STK39: variants seen among roughly 807,000 people sequenced by gnomAD.
STK39 encodes the protein serine/threonine kinase 39.
STK39 carries 20 observed loss-of-function variants against 77.8 expected under a neutral mutation model. That is an observed-to-expected ratio of 0.26 (90% confidence interval 0.18 to 0.37). The LOEUF (loss-of-function observed/expected upper bound fraction) is 0.37, where lower values mean the gene tolerates loss of function less well. Ranked by LOEUF, STK39 falls within the 10% of genes least tolerant of loss-of-function variation. The pLI, the probability that STK39 is intolerant of heterozygous loss-of-function variation, is 1.00. For synonymous variants in STK39, 246 were observed against 234.1 expected (o/e 1.05, Z -0.47); for missense variants, 479 against 656.5 (o/e 0.73, Z 2.95).
At chr2:168,067,619 C>T (rs928188942) in intron 12 of STK39, among the ~76,000 whole-genome samples, 1 of 152,092 alleles carries the variant, frequency 6.6e-6, no homozygotes, top group Non-Finnish European at 1.5e-5. Flanking sequence ...AGGAAGCCAC[C>T]GTACAAAACA....
rs1323524574 is a variant in STK39, at chr2:168,171,860, C to T, written c.322-4453G>A. On this transcript the variant is annotated intron_variant, in intron 2 of 17. Coordinates refer to ENST00000355999, the MANE Select transcript of STK39 (RefSeq NM_013233.3). ...CATTTCCACGCCCCCCCCACTCCCC[C>T]CTCCCCCCCACACACAAAACATTAT... Among the ~76,000 whole-genome samples, 181 of 101,654 alleles carry T rather than the reference C, an allele frequency of 1.8e-3. 3 individuals carry two copies. Among genetic ancestry groups the T allele is most frequent in the African/African-American group, 8.6e-3 (170 of 19,672 alleles). The allele number at this position is 101,654 out of a possible 152,430, so 66.7% of individuals were successfully genotyped here.
At chr2:168,107,463 T>C (rs1342982917) in intron 10 of STK39, among the ~76,000 whole-genome samples, 1 of 152,210 alleles carries the variant, frequency 6.6e-6, no homozygotes, top group South Asian at 2.1e-4. Context: ...TTATATTTAG[T>C]GCATGACAAG....
At chr2:168,212,494 A>G (rs1689915854) in intron 1 of STK39, among the ~76,000 whole-genome samples, 2 of 152,192 alleles carry the variant, frequency 1.3e-5, no homozygotes, top group African/African-American at 4.8e-5. Flanking sequence ...TCTCTGAGCC[A>G]TGTGAGATGT....
At chr2:168,153,805 G>A (rs1688354813) in intron 5 of STK39, among the ~76,000 whole-genome samples, 1 of 152,164 alleles carries the variant, frequency 6.6e-6, no homozygotes, top group Non-Finnish European at 1.5e-5. Flanking sequence ...TGAAGAGGAA[G>A]ATGTAAGAGT....
chr2:168,154,109 G>A (rs970900060), intron 5 of STK39, among the ~76,000 whole-genome samples: 2 of 152,192 alleles, frequency 1.3e-5, no homozygotes, highest in African/African-American at 4.8e-5. Context: ...GTCAACCATA[G>A]GATTTACTAA....
chr2:168,222,791 A>G (rs1013592203), intron 1 of STK39, among the ~76,000 whole-genome samples: 3 of 152,176 alleles, frequency 2.0e-5, no homozygotes, highest in African/African-American at 7.2e-5. Context: ...GGAGGGGTAC[A>G]CTGATGTGGA....
intron 1 of STK39, among the ~76,000 whole-genome samples, chr2:168,224,227 C>T (rs1411622055): frequency 1.3e-5 from 2 of 151,880 alleles, no homozygotes; most frequent in African/African-American, 2.4e-5. Context: ...AAAAAAATCG[C>T]TTTCTTAGAG....
chr2:168,003,163 T>A (rs1574382977), intron 16 of STK39, among the ~76,000 whole-genome samples: 1 of 151,938 alleles, frequency 6.6e-6, no homozygotes, highest in Non-Finnish European at 1.5e-5. Flanking sequence ...TTTTTAGTAG[T>A]GATGGGGTTT....
chr2:168,151,896 A>C (rs1336377227), intron 5 of STK39, among the ~76,000 whole-genome samples: 5 of 152,236 alleles, frequency 3.3e-5, no homozygotes, highest in African/African-American at 1.2e-4. Context: ...TTTGGCTCAA[A>C]GTTCAGTTGA....
intron 16 of STK39, among the ~76,000 whole-genome samples, chr2:168,008,028 TTAG>T (rs1323237628): frequency 3.3e-5 from 5 of 152,152 alleles, no homozygotes; most frequent in Non-Finnish European, 5.9e-5. Flanking sequence ...AACCCCATAC[TTAG>T]TAGTCACTCC....
chr2:168,033,022 G>C (rs1684866078), intron 14 of STK39, among the ~76,000 whole-genome samples: 1 of 152,210 alleles, frequency 6.6e-6, no homozygotes, highest in Non-Finnish European at 1.5e-5. Flanking sequence ...GGTCAGAGGA[G>C]CTAAGATGTT....
At chr2:168,083,321 A>T (rs965435305) in intron 10 of STK39, among the ~76,000 whole-genome samples, 1 of 151,476 alleles carries the variant, frequency 6.6e-6, no homozygotes, top group Non-Finnish European at 1.5e-5. Flanking sequence ...GTTACACTGG[A>T]CATATAACAT....
At chr2:168,189,766 A>G (rs1689294251) in intron 1 of STK39, among the ~76,000 whole-genome samples, 2 of 152,230 alleles carry the variant, frequency 1.3e-5, no homozygotes, top group African/African-American at 4.8e-5. Flanking sequence ...AAAAACATTT[A>G]ACATTAGTCT....
At chr2:168,173,050 A>T (rs985684378) in intron 2 of STK39, among the ~76,000 whole-genome samples, 1 of 152,186 alleles carries the variant, frequency 6.6e-6, no homozygotes, top group Non-Finnish European at 1.5e-5. Context: ...GTGCAGCCAC[A>T]GCTTAGAACC....
intron 1 of STK39, among the ~76,000 whole-genome samples, chr2:168,183,563 C>T (rs912056579): frequency 6.6e-6 from 1 of 152,210 alleles, no homozygotes; most frequent in African/African-American, 2.4e-5. Flanking sequence ...TTCCCTTCCT[C>T]ACTTGTTTTG....
chr2:168,051,835 A>T (rs776122926), intron 14 of STK39, among the ~76,000 whole-genome samples: 28 of 151,746 alleles, frequency 1.8e-4, no homozygotes, highest in Admixed American at 3.9e-4. Context: ...GGCACAATTC[A>T]CCCCACTTCT....
intron 17 of STK39, among the ~76,000 whole-genome samples, chr2:167,956,549 C>T (rs1413312922): frequency 6.3e-5 from 9 of 142,264 alleles, no homozygotes; most frequent in African/African-American, 1.9e-4. Flanking sequence ...GGCGACAGAG[C>T]GAGACTCCAC....
intron 16 of STK39, among the ~76,000 whole-genome samples, chr2:168,011,135 T>C (rs1367265745): frequency 6.6e-6 from 1 of 152,124 alleles, no homozygotes; most frequent in Non-Finnish European, 1.5e-5. Flanking sequence ...CTGTCTCTAC[T>C]AAAAATACAA....
At chr2:168,051,509 C>G (rs374534289) in intron 14 of STK39, among the ~76,000 whole-genome samples, 2 of 152,236 alleles carry the variant, frequency 1.3e-5, no homozygotes, top group South Asian at 2.1e-4. Context: ...ACAGAAGACA[C>G]GAGAGTCCCC....
Sources: gnomAD v4.1 joint callset for allele counts (sites outside exome capture counted in the v4.1 genomes callset) on GRCh38, gnomAD v4.1.1 for gene constraint, MANE v1.5 for transcripts, NCBI Gene and HGNC (gene_info 2026-07-23, HGNC 2026-07-21) for gene names.